Variants in B4GALT5 observed in about 807,000 individuals in gnomAD.
The protein encoded by B4GALT5 is beta-1,4-galactosyltransferase 5, also known as UDP-Gal:beta-GlcNAc beta-1,4-galactosyltransferase 5.
Under a neutral mutation model 45.0 loss-of-function variants are expected in B4GALT5, and 11 were observed. The observed-to-expected ratio is 0.24, with a 90% CI of 0.15 to 0.40. The LOEUF is 0.40. Ranked by LOEUF, B4GALT5 falls within the 10% of genes least tolerant of loss-of-function variation. The probability of loss-of-function intolerance (pLI) is 1.00; values close to 1 mark genes in which losing one functional copy is unlikely to be tolerated. For synonymous variants in B4GALT5, 185 were observed against 182.9 expected, an observed-to-expected ratio of 1.01 and a Z score of -0.09; for missense variants, 337 against 500.2, an observed-to-expected ratio of 0.67 and a Z score of 3.11.
At chr20:49,676,070 G>A (rs765951600) in intron 1 of B4GALT5, among the ~76,000 whole-genome samples, 1 of 134,628 alleles carries the variant, frequency 7.4e-6, no homozygotes, top group Non-Finnish European at 1.5e-5. Flanking sequence ...TGGCATTTTC[G>A]GAATCCCTAC....
In B4GALT5 at chr20:49,635,320, C is replaced by T. The variant is rs2085547175; in HGVS notation, c.*992G>A. 1 of 151,202 alleles carries T rather than the reference C, an allele frequency of 6.6e-6. No individual in the cohort carries two copies. Among genetic ancestry groups the T allele is most frequent in the Non-Finnish European group, 1.5e-5 (1 of 67,884 alleles). The allele number at this position is 151,202 out of a possible 1,614,324, so 9.4% of individuals were successfully genotyped here. A position where few individuals can be genotyped will look rare whatever the true frequency, so the allele number is the denominator to read the frequency against. On this transcript the variant is annotated 3_prime_UTR_variant, in exon 9 of 9. Transcript: ENST00000371711. ...GTGTGTGCAGCGAGCCCCGAAGGGC[C>T]TGCTTTAGGCAGGAAGCAGCCTGCT...
chr20:49,663,685 A>AGAAAAG (rs375262032), intron 1 of B4GALT5, among the ~76,000 whole-genome samples: 1 of 60,098 alleles, frequency 1.7e-5, no homozygotes, highest in Admixed American at 2.0e-4. Context: ...GAAAAAAAAA[A>AGAAAAG]AAAAAATATA....
At chr20:49,637,598 G>A (rs1055411246) in intron 7 of B4GALT5, among the ~76,000 whole-genome samples, 156 bp from the exon 8 acceptor site, 8 of 152,102 alleles carry the variant, frequency 5.3e-5, no homozygotes, top group Non-Finnish European at 1.0e-4. Context: ...CTTAAAAACT[G>A]AGTTAAAACT....
chr20:49,693,489 G>C (rs2085824929), intron 1 of B4GALT5, among the ~76,000 whole-genome samples: 1 of 152,124 alleles, frequency 6.6e-6, no homozygotes. Flanking sequence ...CTCTCTCCAA[G>C]GTGCAGGCTA....
chr20:49,687,503 G>C lies in B4GALT5; in HGVS notation c.115+26073C>G, dbSNP rs541202337. ...TACTAAAAATACAAAAATTAGCCGG[G>C]TGTGGTGGCAGGCGCGTGTAATCCC... On this transcript the variant is annotated intron_variant, in intron 1 of 8. Transcript: ENST00000371711. Among the ~76,000 whole-genome samples the C allele has an allele frequency of 4.6e-5, 7 of 152,216 alleles. No individual in the cohort carries two copies. The East Asian group carries it at 1.4e-3, about 29-fold the overall frequency.
rs546547717 is a variant in B4GALT5 at position 49,669,147 on chromosome 20, C to T, written c.116-12445G>A. Among the ~76,000 whole-genome samples, 4 of 152,194 alleles carry T rather than the reference C, an allele frequency of 2.6e-5. No homozygotes were observed. In the South Asian group the frequency reaches 8.3e-4, roughly 32 times the overall value. On this transcript the variant is annotated intron_variant, in intron 1 of 8. Transcript: ENST00000371711. ...AACTGCTGGGATTACATGTGAGAGC[C>T]ATCATGCCCAGCCAATACTAAGCTT...
intron 1 of B4GALT5, among the ~76,000 whole-genome samples, chr20:49,712,674 G>A (rs1437765574): frequency 6.6e-6 from 1 of 152,052 alleles, no homozygotes; most frequent in Non-Finnish European, 1.5e-5. Context: ...CAATACTGAA[G>A]AACCACACCA....
chr20:49,673,342 T>C (rs2085723872), intron 1 of B4GALT5, among the ~76,000 whole-genome samples: 1 of 151,436 alleles, frequency 6.6e-6, no homozygotes, highest in African/African-American at 2.4e-5. Flanking sequence ...ATCGTGCCAC[T>C]GCACCCCAGC....
chr20:49,685,530 G>A (rs150679085), intron 1 of B4GALT5, among the ~76,000 whole-genome samples: 1 of 152,238 alleles, frequency 6.6e-6, no homozygotes, highest in Non-Finnish European at 1.5e-5. Flanking sequence ...AAACAGTAGG[G>A]GAGAAAAACG....
chr20:49,704,410 C>T (rs551062865), intron 1 of B4GALT5, among the ~76,000 whole-genome samples: 1 of 152,284 alleles, frequency 6.6e-6, no homozygotes, highest in East Asian at 1.9e-4. Flanking sequence ...TACCCTGGAT[C>T]CACTGACATG....
rs1036368731 is a variant in B4GALT5 at position 49,635,978 on chromosome 20, G to A, written c.*334C>T. On this transcript the variant is annotated 3_prime_UTR_variant, in exon 9 of 9. Transcript: ENST00000371711. ...GCAGGACCACGGCAGGACCACGGCA[G>A]ATCACAGTTCATCATGGGTTCTGGA... 6.3e-4 allele frequency: 173 copies of A among 274,102 alleles called. No homozygotes were observed. The highest frequency in any genetic ancestry group is 1.1e-3 in the Non-Finnish European group (155 of 140,012). 17.0% of individuals were successfully genotyped at this position (274,102 alleles called of 1,614,324 possible). A position where few individuals can be genotyped will look rare whatever the true frequency, so the allele number is the denominator to read the frequency against.
chr20:49,648,747 T>C (rs1373947642), intron 2 of B4GALT5, among the ~76,000 whole-genome samples: 1 of 152,196 alleles, frequency 6.6e-6, no homozygotes, highest in Non-Finnish European at 1.5e-5. Context: ...CCTAGGGGAC[T>C]GTACTTGTAG....
intron 1 of B4GALT5, among the ~76,000 whole-genome samples, chr20:49,682,205 G>A (rs2085766896): frequency 1.3e-5 from 2 of 152,208 alleles, no homozygotes; most frequent in South Asian, 4.1e-4. Flanking sequence ...AAGCTGTGGT[G>A]GGTGAATCCT....
At chr20:49,702,182 C>T (rs2085864849) in intron 1 of B4GALT5, among the ~76,000 whole-genome samples, 1 of 152,014 alleles carries the variant, frequency 6.6e-6, no homozygotes, top group African/African-American at 2.4e-5. Context: ...CTGCCGAATC[C>T]GAATCTAAAT....
rs979923941 is a variant in B4GALT5, at chr20:49,710,628, T to G, written c.115+2948A>C. ...ACTGACAGGGTTTCACCATCTTGGATAGGCTGGACTTGAACTCCTGACCTC... is the reference window on the plus strand; with the variant it reads ...ACTGACAGGGTTTCACCATCTTGGAGAGGCTGGACTTGAACTCCTGACCTC... On this transcript the variant is annotated intron_variant, in intron 1 of 8. Coordinates refer to ENST00000371711, the MANE Select transcript of B4GALT5 (RefSeq NM_004776.4). 4.6e-5 allele frequency among the ~76,000 whole-genome samples: 7 copies of G among 151,990 alleles called. 1 individual carries two copies. Among genetic ancestry groups the G allele is most frequent in the Admixed American group, 4.6e-4 (7 of 15,236 alleles).
At chr20:49,711,228 T>C (rs1450925506) in intron 1 of B4GALT5, among the ~76,000 whole-genome samples, 1 of 152,086 alleles carries the variant, frequency 6.6e-6, no homozygotes, top group Non-Finnish European at 1.5e-5. Flanking sequence ...GATACAGTAC[T>C]AATGAAAATG....
intron 5 of B4GALT5, among the ~76,000 whole-genome samples, chr20:49,642,261 C>T (rs1458297851): frequency 6.6e-6 from 1 of 152,168 alleles, no homozygotes; most frequent in East Asian, 1.9e-4. Flanking sequence ...AAAGCTCTCT[C>T]CTGGATTCAA....
Position 49,633,711 on chromosome 20 carries a change from T to G in B4GALT5, c.*2601A>C. On this transcript the variant is annotated 3_prime_UTR_variant, in exon 9 of 9. Coordinates refer to ENST00000371711, the MANE Select transcript of B4GALT5 (RefSeq NM_004776.4). ...TTAGCCTTTTGCCAACAGTGTGTAC[T>G]TGATGGTAATTATGGCAACATAGAG... 6.6e-6 allele frequency: 1 copy of G among 152,288 alleles called. No individual in the cohort carries two copies. The highest frequency in any genetic ancestry group is 1.5e-5 in the Non-Finnish European group (1 of 68,042). 9.4% of individuals were successfully genotyped at this position (152,288 alleles called of 1,614,324 possible). A position where few individuals can be genotyped will look rare whatever the true frequency, so the allele number is the denominator to read the frequency against.
chr20:49,706,609 A>T (rs971086463), intron 1 of B4GALT5, among the ~76,000 whole-genome samples: 6 of 152,174 alleles, frequency 3.9e-5, no homozygotes, highest in African/African-American at 1.4e-4. Flanking sequence ...TCTACAAAAC[A>T]TAACTCGTGT....
Sources: allele counts gnomAD v4.1 joint callset (sites outside exome capture counted in the v4.1 genomes callset), GRCh38; gene constraint gnomAD v4.1.1; transcripts MANE v1.5; gene names NCBI Gene and HGNC (gene_info 2026-07-23, HGNC 2026-07-21).